The following SEC63 variants were observed in gnomAD, a reference collection of about 807,000 sequenced individuals.
The protein encoded by SEC63 is translocation protein SEC63 homolog.
SEC63 carries 56 observed loss-of-function variants against 116.2 expected under a neutral mutation model. The observed-to-expected ratio is 0.48, with a 90% CI of 0.39 to 0.60. The LOEUF (loss-of-function observed/expected upper bound fraction) is 0.60. Among genes scored for constraint, SEC63 ranks in the 20% least tolerant of loss-of-function variants. The probability of loss-of-function intolerance (pLI) is 0.00; values close to 1 mark genes in which losing one functional copy is unlikely to be tolerated. For missense variants in SEC63, 668 were observed against 900.0 expected, an observed-to-expected ratio of 0.74 and a Z score of 3.30; for synonymous variants, 273 against 294.6, an observed-to-expected ratio of 0.93 and a Z score of 0.75.
intron 1 of SEC63, among the ~76,000 whole-genome samples, chr6:107,953,715 C>T (rs1770632443): frequency 7.0e-6 from 1 of 143,288 alleles, no homozygotes; most frequent in East Asian, 2.2e-4. Flanking sequence ...AGCCCCCTGC[C>T]CGGCCAGCCG....
intron 2 of SEC63, 27 bp from the exon 3 acceptor site, chr6:107,924,959 A>G (rs1245009571): frequency 3.2e-6 from 4 of 1,236,534 alleles, no homozygotes; most frequent in Admixed American, 1.7e-5. Flanking sequence ...TAAGTGAATC[A>G]TAAACAAATA....
chr6:107,911,308 T>G (rs377523944), intron 7 of SEC63, 38 bp downstream of exon 7: 3 of 1,414,580 alleles, frequency 2.1e-6, no homozygotes, highest in Admixed American at 1.7e-5. Context: ...TCAATCTCCT[T>G]TCCAAAAAAA....
chr6:107,911,311 CA>C (rs371388005), intron 7 of SEC63, 34 bp downstream of exon 7: 70 of 1,453,122 alleles, frequency 4.8e-5, no homozygotes, highest in African/African-American at 8.4e-5. Context: ...ATCTCCTTTC[CA>C]AAAAAAACAT....
chr6:107,893,021 C>T (rs1786720546), intron 16 of SEC63, among the ~76,000 whole-genome samples: 1 of 151,862 alleles, frequency 6.6e-6, no homozygotes, highest in Non-Finnish European at 1.5e-5. Context: ...ACCCTTTATT[C>T]ATATTAGGTT....
At chr6:107,885,940 T>C (rs1372814338) in intron 16 of SEC63, among the ~76,000 whole-genome samples, 2 of 152,098 alleles carry the variant, frequency 1.3e-5, no homozygotes, top group Non-Finnish European at 2.9e-5. Flanking sequence ...ACACATGCCA[T>C]GGTGGTTTGC....
chr6:107,882,479 G>A (rs1786434775), intron 17 of SEC63, among the ~76,000 whole-genome samples: 1 of 151,986 alleles, frequency 6.6e-6, no homozygotes, highest in Non-Finnish European at 1.5e-5. Context: ...GACTTCCCCT[G>A]TCCTTAATAT....
intron 1 of SEC63, among the ~76,000 whole-genome samples, chr6:107,955,791 C>T (rs1358299252): frequency 6.6e-6 from 1 of 151,990 alleles, no homozygotes; most frequent in Non-Finnish European, 1.5e-5. Context: ...GAAGCTGTGG[C>T]AGAACTGCTT....
At chr6:107,954,271 T>C (rs1770654821) in intron 1 of SEC63, among the ~76,000 whole-genome samples, 2 of 151,730 alleles carry the variant, frequency 1.3e-5, no homozygotes, top group Non-Finnish European at 2.9e-5. Flanking sequence ...GAAGGCAGCA[T>C]GCTCGTTAAG....
At chr6:107,898,900 A>G (rs1786928681) in intron 13 of SEC63, among the ~76,000 whole-genome samples, 1 of 152,232 alleles carries the variant, frequency 6.6e-6, no homozygotes, top group Non-Finnish European at 1.5e-5. Flanking sequence ...ATGGCCTCCA[A>G]TAATCTGCAA....
chr6:107,890,722 A>G (rs1583732358), intron 16 of SEC63, among the ~76,000 whole-genome samples: 1 of 152,202 alleles, frequency 6.6e-6, no homozygotes, highest in South Asian at 2.1e-4. Flanking sequence ...GTTCCTTTCC[A>G]TGTTTAGTGC....
intron 2 of SEC63, among the ~76,000 whole-genome samples, chr6:107,927,956 T>C (rs1207182881): frequency 6.6e-6 from 1 of 152,172 alleles, no homozygotes; most frequent in Non-Finnish European, 1.5e-5. Flanking sequence ...CCAAATATTT[T>C]CGATTCACAG....
At chr6:107,909,322 A>C (rs1026763543) in intron 7 of SEC63, among the ~76,000 whole-genome samples, 1 of 151,700 alleles carries the variant, frequency 6.6e-6, no homozygotes, top group Non-Finnish European at 1.5e-5. Context: ...GGGCTGCAGT[A>C]GCCATGATCA....
chr6:107,939,665 G>C (rs1002433001), intron 1 of SEC63, among the ~76,000 whole-genome samples: 1 of 152,106 alleles, frequency 6.6e-6, no homozygotes, highest in Non-Finnish European at 1.5e-5. Flanking sequence ...AACCCTAGGA[G>C]GCAGAGGCTG....
chr6:107,888,543 G>A (rs1786595168), intron 16 of SEC63, among the ~76,000 whole-genome samples: 2 of 152,186 alleles, frequency 1.3e-5, no homozygotes, highest in Admixed American at 1.3e-4. Context: ...TGCAAACAAA[G>A]ACAATGTGAC....
chr6:107,875,799 G>A (rs1330693091), intron 19 of SEC63, among the ~76,000 whole-genome samples: 2 of 152,080 alleles, frequency 1.3e-5, no homozygotes, highest in African/African-American at 4.8e-5. Context: ...ATGCTGAGAG[G>A]TATTAGGCAT....
At chr6:107,876,793 T>TG in intron 18 of SEC63, 131 bp from the exon 19 acceptor site, 1 of 657,130 alleles carries the variant, frequency 1.5e-6, no homozygotes, top group Non-Finnish European at 2.7e-6. Context: ...ACAAAATAGG[T>TG]ATTCAAATGA....
At chr6:107,923,141 T>A (rs963614553) in intron 3 of SEC63, among the ~76,000 whole-genome samples, 2 of 152,226 alleles carry the variant, frequency 1.3e-5, no homozygotes, top group Non-Finnish European at 2.9e-5. Flanking sequence ...ATTCTACTGA[T>A]AAACACAAAA....
intron 7 of SEC63, among the ~76,000 whole-genome samples, chr6:107,910,775 G>T (rs1469926318): frequency 6.6e-6 from 1 of 151,848 alleles, no homozygotes; most frequent in East Asian, 1.9e-4. Flanking sequence ...TGTGATTTTT[G>T]TTTTTTTCTT....
chr6:107,957,673 A>T (rs1770737665), intron 1 of SEC63: 1 of 371,990 alleles, frequency 2.7e-6, no homozygotes, highest in Non-Finnish European at 4.6e-6. Context: ...GAGCGAGCGA[A>T]ACTCCTGAGG....
Sources: gnomAD v4.1 joint callset for allele counts (sites outside exome capture counted in the v4.1 genomes callset) on GRCh38, gnomAD v4.1.1 for gene constraint, MANE v1.5 for transcripts, NCBI Gene and HGNC (gene_info 2026-07-23, HGNC 2026-07-21) for gene names.